The following BMP6 variants were observed in gnomAD, a reference collection of about 807,000 sequenced individuals.
BMP6 encodes the protein bone morphogenetic protein 6, also known as VG-1-R.
BMP6 carries 17 observed loss-of-function variants against 54.1 expected under a neutral mutation model. The ratio of observed to expected loss-of-function variants is 0.31; its 90% CI spans 0.22 to 0.47. The LOEUF is 0.47. Ranked by LOEUF, BMP6 falls within the 20% of genes least tolerant of loss-of-function variation. BMP6 has a pLI of 1.00. For missense variants in BMP6, 720 were observed against 690.4 expected (o/e 1.04, Z -0.48); for synonymous variants, 328 against 291.2 (o/e 1.13, Z -1.28).
intron 2 of BMP6, among the ~76,000 whole-genome samples, chr6:7,857,600 G>A (rs1418019190): frequency 6.6e-6 from 1 of 152,168 alleles, no homozygotes; most frequent in Non-Finnish European, 1.5e-5. Context: ...CACATTTTAG[G>A]TGAGAACATC....
In BMP6 at chr6:7,727,228, C is replaced by A. The variant is rs779625403; in HGVS notation, c.273C>A (p.His91Gln). The change falls in exon 1 of 7, where the codon CAC becomes CAA. Residue 91 changes from histidine (H) to glutamine (Q), a missense_variant. Physicochemically the swap from His to Gln is conservative, Grantham distance 24 (BLOSUM62 0). This residue lies in a region of BMP6 where 650 missense variants were observed against 556.3 expected (regional missense o/e 1.17). Transcript: ENST00000283147. ...KEILSVLGLP[H>Q]RPRPLHGLQQ... ...TCTTGTCGGTGCTGGGGCTCCCGCA[C>A]CGGCCCCGGCCCCTGCACGGCCTCC... is the stretch of plus-strand genomic sequence containing the variant. 1.1e-5 allele frequency: 17 copies of A among 1,605,668 alleles called. No homozygotes were observed. Among genetic ancestry groups the A allele is most frequent in the Non-Finnish European group, 1.4e-5 (16 of 1,176,784 alleles).
chr6:7,847,265 T>C (rs1227724552), intron 2 of BMP6, among the ~76,000 whole-genome samples: 3 of 152,184 alleles, frequency 2.0e-5, no homozygotes, highest in Non-Finnish European at 4.4e-5. Flanking sequence ...ATGTGTTTCG[T>C]TGTTGTGCAT....
chr6:7,851,602 G>A (rs943874734), intron 2 of BMP6, among the ~76,000 whole-genome samples: 2 of 151,710 alleles, frequency 1.3e-5, no homozygotes, highest in Non-Finnish European at 2.9e-5. Context: ...TGGCTGGGAC[G>A]TCCAGTACAA....
At chr6:7,790,199 G>A (rs549207869) in intron 1 of BMP6, among the ~76,000 whole-genome samples, 4 of 152,182 alleles carry the variant, frequency 2.6e-5, no homozygotes, top group South Asian at 2.1e-4. Flanking sequence ...AACGTGGGCC[G>A]CTTATTTTGA....
intron 1 of BMP6, among the ~76,000 whole-genome samples, chr6:7,782,735 T>C (rs911692001): frequency 6.6e-6 from 1 of 151,758 alleles, no homozygotes. Context: ...AAAAAAAGTA[T>C]AGATGAACTT....
intron 1 of BMP6, among the ~76,000 whole-genome samples, chr6:7,802,262 C>T (rs1030193144): frequency 6.6e-6 from 1 of 152,162 alleles, no homozygotes; most frequent in African/African-American, 2.4e-5. Flanking sequence ...TAACGGAGCC[C>T]AATGGGAAGA....
chr6:7,843,826 T>G (rs1011543192), intron 1 of BMP6, among the ~76,000 whole-genome samples: 2 of 152,228 alleles, frequency 1.3e-5, no homozygotes, highest in Non-Finnish European at 2.9e-5. Flanking sequence ...AAATCATCAG[T>G]AATTGCAATT....
chr6:7,753,671 A>G (rs1757460008), intron 1 of BMP6, among the ~76,000 whole-genome samples: 1 of 152,212 alleles, frequency 6.6e-6, no homozygotes, highest in Admixed American at 6.5e-5. Flanking sequence ...TCTACAAAAT[A>G]ACATTACTCT....
At chr6:7,745,195 G>C (rs889438921) in intron 1 of BMP6, among the ~76,000 whole-genome samples, 1 of 152,208 alleles carries the variant, frequency 6.6e-6, no homozygotes, top group Admixed American at 6.5e-5. Context: ...AGGAAAAAGT[G>C]TATAGGTCCT....
intron 1 of BMP6, among the ~76,000 whole-genome samples, chr6:7,815,470 C>G (rs1758511368): frequency 6.6e-6 from 1 of 152,118 alleles, no homozygotes; most frequent in Non-Finnish European, 1.5e-5. Flanking sequence ...TTATAAAAAG[C>G]TTATCACTGT....
intron 4 of BMP6, among the ~76,000 whole-genome samples, chr6:7,870,999 A>T (rs1162761761): frequency 1.3e-5 from 2 of 152,136 alleles, no homozygotes; most frequent in Non-Finnish European, 2.9e-5. Context: ...CATGGGCCCC[A>T]CTTGCCTGTC....
At chr6:7,859,974 T>C (rs997530585) in intron 2 of BMP6, among the ~76,000 whole-genome samples, 3 of 152,232 alleles carry the variant, frequency 2.0e-5, no homozygotes, top group African/African-American at 7.2e-5. Flanking sequence ...TTCACTGGCC[T>C]CGTAAGTATT....
rs180934953 is a variant in BMP6, at chr6:7,754,754, A to G, written c.664+27135A>G. Reference sequence around the variant, plus strand: ...TTTGTTTGAGACAGAGTCTCGCTCTATTGCCCAGGCTGGAGTGCAGTGGTG... The same window carrying G: ...TTTGTTTGAGACAGAGTCTCGCTCTGTTGCCCAGGCTGGAGTGCAGTGGTG... On this transcript the variant is annotated intron_variant, in intron 1 of 6. Coordinates refer to ENST00000283147, the MANE Select transcript of BMP6 (RefSeq NM_001718.6). Among the ~76,000 whole-genome samples the G allele has an allele frequency of 1.2e-4, 19 of 152,108 alleles. No homozygotes were observed. In the East Asian group the frequency reaches 1.6e-3, roughly 12 times the overall value.
intron 1 of BMP6, 118 bp downstream of exon 1, chr6:7,727,737 C>A: frequency 8.1e-7 from 1 of 1,241,128 alleles, no homozygotes; most frequent in Non-Finnish European, 1.0e-6. Flanking sequence ...CCTGGTGCGC[C>A]AGAGAACGCG....
intron 1 of BMP6, among the ~76,000 whole-genome samples, chr6:7,742,859 G>A (rs556891164): frequency 1.4e-4 from 22 of 152,234 alleles, no homozygotes; most frequent in African/African-American, 5.1e-4. Flanking sequence ...CAACCCTTCA[G>A]TACTTAAATT....
rs1343957586 is a variant in BMP6, at chr6:7,726,194, C to T, written c.-762C>T. On this transcript the variant is annotated 5_prime_UTR_variant, in exon 1 of 7. Coordinates refer to ENST00000283147, the MANE Select transcript of BMP6 (RefSeq NM_001718.6). ...CCGCGGCCGCTGCTCGGTGCACTAG[C>T]CCCCTTCCTTCCCATCCTTTCTGCG... Among the ~76,000 whole-genome samples the T allele has an allele frequency of 6.6e-6, 1 of 152,162 alleles. No individual in the cohort carries two copies. The highest frequency in any genetic ancestry group is 1.5e-5 in the Non-Finnish European group (1 of 68,012).
At position 7,726,595 on chromosome 6, in the gene BMP6, GC is replaced by G. The variant is rs1761727777; in HGVS notation, c.-358del. Among the ~76,000 whole-genome samples, 1 of 152,130 alleles carries G rather than the reference GC, an allele frequency of 6.6e-6. No individual in the cohort carries two copies. Among genetic ancestry groups the G allele is most frequent in the African/African-American group, 2.4e-5 (1 of 41,448 alleles). On this transcript the variant is annotated 5_prime_UTR_variant, in exon 1 of 7. Transcript: ENST00000283147. ...GCAGCGCACGTGTGCGGCCAGCGAG[GC>G]CCAGAGTGACCGCGCCGCGACTCGC... is the stretch of plus-strand genomic sequence containing the variant.
intron 1 of BMP6, among the ~76,000 whole-genome samples, chr6:7,736,899 G>A (rs1023282139): frequency 5.9e-5 from 9 of 152,094 alleles, no homozygotes; most frequent in Non-Finnish European, 1.2e-4. Context: ...TTAAAAATGG[G>A]GAAGAGGGCC....
chr6:7,854,625 C>T (rs1171687211), intron 2 of BMP6, among the ~76,000 whole-genome samples: 5 of 152,150 alleles, frequency 3.3e-5, no homozygotes, highest in South Asian at 2.1e-4. Context: ...GGTGAACCCC[C>T]GTCTCTACTA....
Sources: gnomAD v4.1 joint callset for allele counts (sites outside exome capture counted in the v4.1 genomes callset) on GRCh38, gnomAD v4.1.1 for gene constraint, gnomAD v4.1.1 regional missense constraint, MANE v1.5 for transcripts, NCBI Gene and HGNC (gene_info 2026-07-23, HGNC 2026-07-21) for gene names.